The following ARHGEF11 variants were observed in gnomAD, a reference collection of about 807,000 sequenced individuals.
ARHGEF11 encodes Rho guanine exchange factor (GEF) 11.
ARHGEF11 carries 55 observed loss-of-function variants against 193.7 expected under a neutral mutation model. The observed-to-expected ratio is 0.28, with a 90% confidence interval of 0.23 to 0.36. The LOEUF is 0.36. Among genes scored for constraint, ARHGEF11 ranks in the 10% least tolerant of loss-of-function variants. The pLI, the probability that ARHGEF11 is intolerant of heterozygous loss-of-function variation, is 1.00. For missense variants in ARHGEF11, 1,723 were observed against 2,005.6 expected, an observed-to-expected ratio of 0.86 and a Z score of 2.69; for synonymous variants, 693 against 768.0, an observed-to-expected ratio of 0.90 and a Z score of 1.62.
intron 1 of ARHGEF11, among the ~76,000 whole-genome samples, chr1:157,024,763 CCA>C (rs2102942895): frequency 6.6e-6 from 1 of 150,600 alleles, no homozygotes; most frequent in South Asian, 2.1e-4. Context: ...CTATCTTTTT[CCA>C]CAGTTAAAGA....
At chr1:156,957,300 T>G (rs1660088099) in intron 18 of ARHGEF11, among the ~76,000 whole-genome samples, 1 of 152,136 alleles carries the variant, frequency 6.6e-6, no homozygotes, top group Admixed American at 6.5e-5. Context: ...CATTTTAACC[T>G]TGGCTAATGA....
intron 1 of ARHGEF11, among the ~76,000 whole-genome samples, chr1:157,015,755 TGGG>T (rs1314784682): frequency 2.0e-5 from 3 of 152,210 alleles, no homozygotes. Flanking sequence ...GAGGAAGCAC[TGGG>T]ATGGAAGGTC....
chr1:156,968,914 A>C (rs1275429210), intron 10 of ARHGEF11, among the ~76,000 whole-genome samples: 2 of 152,240 alleles, frequency 1.3e-5, no homozygotes, highest in African/African-American at 4.8e-5. Flanking sequence ...GTATTAATCT[A>C]AGACGATGTT....
intron 40 of ARHGEF11, 112 bp downstream of exon 40, chr1:156,936,704 A>G (rs1434464628): frequency 1.6e-6 from 2 of 1,261,572 alleles, no homozygotes; most frequent in East Asian, 4.7e-5. Flanking sequence ...GTTTCACTCA[A>G]GGGGAAACCA....
At chr1:156,965,972 C>A (rs1293477949) in intron 11 of ARHGEF11, among the ~76,000 whole-genome samples, 1 of 152,122 alleles carries the variant, frequency 6.6e-6, no homozygotes, top group African/African-American at 2.4e-5. Context: ...ATGAAGGTGG[C>A]TACTATGTGC....
At chr1:156,954,380 C>CAAAAAAAAAAAAA (rs559848711) in intron 21 of ARHGEF11, among the ~76,000 whole-genome samples, 4 of 75,162 alleles carry the variant, frequency 5.3e-5, no homozygotes, top group Non-Finnish European at 7.5e-5. Flanking sequence ...ACTGTGTCTC[C>CAAAAAAAAAAAAA]AAAAAAAAAA....
chr1:156,946,137 C>T lies in ARHGEF11; in HGVS notation c.2720G>A (p.Arg907Gln), dbSNP rs1215526016. The change falls in exon 29 of 41, where the codon CGG (arginine) becomes CAG (glutamine). Residue 907 changes from arginine (R) to glutamine (Q), a missense_variant. Around this residue, in one of 5 missense-constraint regions of ARHGEF11, gnomAD observed 491 missense variants for 654.5 expected, o/e 0.75. Transcript: ENST00000368194. ...MQEAESHPQC[R>Q]RLQLRDLIIS... ...GATGAGGTCTCTCAGCTGCAGCCGC[C>T]GACACTGAGGGTGGCTCTCAGCCTC... is the stretch of plus-strand genomic sequence containing the variant. 4.3e-6 allele frequency: 7 copies of T among 1,613,590 alleles called. No individual in the cohort carries two copies. The highest frequency in any genetic ancestry group is 5.9e-6 in the Non-Finnish European group (7 of 1,179,970).
At chr1:157,001,894 A>G (rs1369119228) in intron 1 of ARHGEF11, among the ~76,000 whole-genome samples, 3 of 152,230 alleles carry the variant, frequency 2.0e-5, no homozygotes, top group African/African-American at 7.2e-5. Context: ...AATGGTAGGC[A>G]TTTGTCCTAC....
At chr1:156,980,556 C>G in intron 3 of ARHGEF11, 70 bp from the exon 4 acceptor site, 1 of 1,494,402 alleles carries the variant, frequency 6.7e-7, no homozygotes, top group Non-Finnish European at 9.1e-7. Flanking sequence ...AGGTCCCTGT[C>G]AGATCACCTC....
intron 1 of ARHGEF11, among the ~76,000 whole-genome samples, chr1:157,015,613 G>C (rs1423204789): frequency 2.6e-5 from 4 of 152,172 alleles, no homozygotes; most frequent in African/African-American, 4.8e-5. Flanking sequence ...GCAGCCTGAA[G>C]GTCTACTGCC....
intron 17 of ARHGEF11, 26 bp downstream of exon 17, chr1:156,958,716 G>C: frequency 6.2e-7 from 1 of 1,613,986 alleles, no homozygotes; most frequent in Non-Finnish European, 8.5e-7. Context: ...ATGTTCAGTG[G>C]GGTGGGAGGA....
chr1:156,993,362 T>C (rs1666041755), intron 1 of ARHGEF11, among the ~76,000 whole-genome samples: 1 of 152,148 alleles, frequency 6.6e-6, no homozygotes, highest in South Asian at 2.1e-4. Flanking sequence ...ATATAATATA[T>C]ACATATATGA....
At chr1:156,967,252 T>C (rs2102253270) in intron 11 of ARHGEF11, among the ~76,000 whole-genome samples, 1 of 152,330 alleles carries the variant, frequency 6.6e-6, no homozygotes, top group African/African-American at 2.4e-5. Flanking sequence ...AAGAAAAATA[T>C]TAAGTAACAT....
intron 18 of ARHGEF11, among the ~76,000 whole-genome samples, chr1:156,956,839 G>A (rs1660028213): frequency 6.6e-6 from 1 of 152,174 alleles, no homozygotes; most frequent in South Asian, 2.1e-4. Flanking sequence ...TCTTCCCCAT[G>A]AGCAGATGAT....
At chr1:156,954,798 G>T in intron 21 of ARHGEF11, 94 bp downstream of exon 21, 1 of 1,032,848 alleles carries the variant, frequency 9.7e-7, no homozygotes, top group Non-Finnish European at 1.5e-6. Flanking sequence ...GAACAGGATG[G>T]GAGATGATGA....
At chr1:156,941,688 A>G (rs1656979023) in intron 34 of ARHGEF11, among the ~76,000 whole-genome samples, 176 bp downstream of exon 34, 1 of 152,222 alleles carries the variant, frequency 6.6e-6, no homozygotes, top group Non-Finnish European at 1.5e-5. Context: ...AGACAGGGAC[A>G]AGAAGCAGGG....
intron 2 of ARHGEF11, among the ~76,000 whole-genome samples, chr1:156,985,152 T>C (rs1664741202): frequency 6.6e-6 from 1 of 152,166 alleles, no homozygotes; most frequent in South Asian, 2.1e-4. Flanking sequence ...CCTGCAATGA[T>C]TAAAGCGTGG....
chr1:156,936,495 A>ATATAT (rs1330599702), intron 40 of ARHGEF11, among the ~76,000 whole-genome samples: 1,184 of 56,476 alleles, frequency 0.021, 5 homozygotes, highest in East Asian at 0.05. Flanking sequence ...AAAAAAAAAA[A>ATATAT]AAATATATAT....
intron 38 of ARHGEF11, among the ~76,000 whole-genome samples, chr1:156,937,853 C>T (rs997947993): frequency 6.6e-6 from 1 of 152,206 alleles, no homozygotes; most frequent in Non-Finnish European, 1.5e-5. Context: ...GAGCAGGCAG[C>T]AGCCCTCTTG....
Sources: allele counts gnomAD v4.1 joint callset (sites outside exome capture counted in the v4.1 genomes callset), GRCh38; gene constraint gnomAD v4.1.1; regional missense constraint gnomAD v4.1.1; transcripts MANE v1.5; gene names NCBI Gene and HGNC (gene_info 2026-07-23, HGNC 2026-07-21).